The following CNGB3 variants were observed in gnomAD, a reference collection of about 807,000 sequenced individuals.
CNGB3 encodes the protein cyclic nucleotide gated channel subunit beta 3, also known as cyclic nucleotide-gated channel beta-3.
CNGB3 carries 86 observed loss-of-function variants against 92.8 expected under a neutral mutation model. The observed-to-expected ratio is 0.93, with a 90% CI of 0.78 to 1.11. The LOEUF is 1.11. Among genes scored for constraint, CNGB3 ranks in the 50% least tolerant of loss-of-function variants. The probability of loss-of-function intolerance (pLI) is 0.00; values close to 1 mark genes in which losing one functional copy is unlikely to be tolerated. For missense variants in CNGB3, 1,026 were observed against 956.8 expected, an observed-to-expected ratio of 1.07 and a Z score of -0.95; for synonymous variants, 333 against 332.7, an observed-to-expected ratio of 1.00 and a Z score of -0.01.
chr8:86,632,476 TA>T, intron 11 of CNGB3, among the ~76,000 whole-genome samples: 1 of 152,180 alleles, frequency 6.6e-6, no homozygotes, highest in East Asian at 1.9e-4. Flanking sequence ...TGGTTTTCAT[TA>T]GGGTCCAAGT....
intron 15 of CNGB3, chr8:86,593,662 G>A (rs955920554): frequency 7.7e-5 from 44 of 569,150 alleles, no homozygotes; most frequent in Non-Finnish European, 1.4e-4. Flanking sequence ...GACCCTAATG[G>A]TGTCTGTCTG....
intron 15 of CNGB3, chr8:86,594,481 G>T: frequency 3.4e-6 from 1 of 292,514 alleles, no homozygotes; most frequent in South Asian, 3.2e-5. Context: ...GGTCCAGGAG[G>T]GGACCCGACA....
At chr8:86,698,959 G>A (rs1276042990) in intron 3 of CNGB3, among the ~76,000 whole-genome samples, 1 of 152,180 alleles carries the variant, frequency 6.6e-6, no homozygotes, top group Non-Finnish European at 1.5e-5. Flanking sequence ...AAGCTCCTAA[G>A]AGGCAGAAAA....
Position 86,599,081 on chromosome 8 carries a change from G to A in CNGB3, c.1781+5012C>T, listed in dbSNP as rs149350935. Among the ~76,000 whole-genome samples the A allele has an allele frequency of 6.0e-4, 92 of 152,268 alleles. No individual in the cohort carries two copies. The East Asian group carries it at 0.015, about 26-fold the overall frequency. On this transcript the variant is annotated intron_variant, in intron 15 of 17. Transcript: ENST00000320005. ...TTGCAGGAAGTCAGGGACGCCAAAC[G>A]GAGGGACCGGCTGAAGCCATGGCAG...
intron 3 of CNGB3, among the ~76,000 whole-genome samples, chr8:86,685,448 G>A (rs754250778): frequency 2.6e-5 from 4 of 152,078 alleles, no homozygotes; most frequent in Non-Finnish European, 5.9e-5. Context: ...TGTTTCATAA[G>A]AGGAGTCTTG....
intron 15 of CNGB3, among the ~76,000 whole-genome samples, chr8:86,592,160 GC>G (rs1379279883): frequency 1.3e-5 from 2 of 152,114 alleles, no homozygotes; most frequent in African/African-American, 4.8e-5. Flanking sequence ...CTAACCCCTT[GC>G]GCTTCCCGAG....
In CNGB3 at chr8:86,691,105, T is replaced by C. The variant is rs995654785; in HGVS notation, c.339-20007A>G. Among the ~76,000 whole-genome samples the C allele has an allele frequency of 2.0e-5, 3 of 152,108 alleles. 1 individual carries two copies. The highest frequency in any genetic ancestry group is 4.1e-4 in the South Asian group (2 of 4,826). On this transcript the variant is annotated intron_variant, in intron 3 of 17. Coordinates refer to ENST00000320005, the MANE Select transcript of CNGB3 (RefSeq NM_019098.5). ...TTCCAATTCTGGTTTGGTATAATTT[T>C]AAGTTTTGTTTTGTTTTGTTTTTGC...
chr8:86,625,414 G>A (rs1822826208), intron 13 of CNGB3, among the ~76,000 whole-genome samples: 2 of 152,088 alleles, frequency 1.3e-5, no homozygotes, highest in African/African-American at 4.8e-5. Flanking sequence ...AATATTAGGT[G>A]AGAAAAATTT....
chr8:86,632,875 A>C lies in CNGB3; in HGVS notation c.1197T>G (p.Tyr399Ter), dbSNP rs1822989898. Residue 399 changes from tyrosine to a stop codon, truncating the protein, a stop_gained, in exon 11 of 18, where the codon TAT becomes TAG. Coordinates refer to ENST00000320005, the MANE Select transcript of CNGB3 (RefSeq NM_019098.5). LOFTEE classifies it high-confidence loss of function. ...GEGNEYLRCYYWAVRTLITIG... is the reference protein window; with the variant it reads ...GEGNEYLRCY The stretch of plus-strand genomic sequence containing the variant: ...TGGTAATTAAAGTTCGAACTGCCCA[A>C]TAATAACATCTCAGATACCTGTGAA... 1 of 1,612,536 alleles carries C rather than the reference A, an allele frequency of 6.2e-7. No individual in the cohort carries two copies. The highest frequency in any genetic ancestry group is 8.5e-7 in the Non-Finnish European group (1 of 1,179,768).
intron 15 of CNGB3, among the ~76,000 whole-genome samples, chr8:86,580,494 A>T (rs1025739906): frequency 2.0e-5 from 3 of 152,108 alleles, no homozygotes; most frequent in Non-Finnish European, 2.9e-5. Context: ...ATCCAATCTC[A>T]TCTCCTACTA....
chr8:86,635,816 C>T (rs1823051329), intron 10 of CNGB3, among the ~76,000 whole-genome samples: 1 of 103,988 alleles, frequency 9.6e-6, no homozygotes, highest in South Asian at 3.2e-4. Context: ...AACTGTATAA[C>T]ACATGATATA....
chr8:86,638,589 A>G (rs1259593964), intron 10 of CNGB3, among the ~76,000 whole-genome samples: 1 of 152,146 alleles, frequency 6.6e-6, no homozygotes, highest in African/African-American at 2.4e-5. Context: ...GAACGGTCTT[A>G]TTAGAATGTA....
At chr8:86,712,296 A>AT (rs903582031) in intron 3 of CNGB3, among the ~76,000 whole-genome samples, 1 of 151,832 alleles carries the variant, frequency 6.6e-6, no homozygotes, top group Non-Finnish European at 1.5e-5. Flanking sequence ...AGTCTTTTTT[A>AT]TTTTTTAGGT....
chr8:86,694,081 C>CCA (rs1563757109), intron 3 of CNGB3, among the ~76,000 whole-genome samples: 1 of 62,608 alleles, frequency 1.6e-5, no homozygotes, highest in Non-Finnish European at 3.8e-5. Context: ...GGGGGGCTGA[C>CCA]CCCCCCACCT....
chr8:86,689,258 T>G (rs909871130), intron 3 of CNGB3, among the ~76,000 whole-genome samples: 1 of 151,902 alleles, frequency 6.6e-6, no homozygotes, highest in Non-Finnish European at 1.5e-5. Context: ...TCTGTAGCCA[T>G]TGGATGAACT....
At chr8:86,671,990 T>C (rs906763923) in intron 3 of CNGB3, among the ~76,000 whole-genome samples, 2 of 152,244 alleles carry the variant, frequency 1.3e-5, no homozygotes, top group Non-Finnish European at 2.9e-5. Context: ...TTGTTATATC[T>C]TCAACTTTTA....
At chr8:86,621,434 T>A (rs1485774272) in intron 13 of CNGB3, among the ~76,000 whole-genome samples, 1 of 152,170 alleles carries the variant, frequency 6.6e-6, no homozygotes, top group African/African-American at 2.4e-5. Flanking sequence ...TATGAGGCAG[T>A]CTGCTATTTT....
At chr8:86,700,860 G>T (rs1344200244) in intron 3 of CNGB3, among the ~76,000 whole-genome samples, 1 of 152,112 alleles carries the variant, frequency 6.6e-6, no homozygotes. Context: ...GGCTGGTCTT[G>T]AGCTCCTGGC....
At chr8:86,661,298 T>A in intron 6 of CNGB3, 1 of 376,514 alleles carries the variant, frequency 2.7e-6, no homozygotes, top group Non-Finnish European at 5.4e-6. Context: ...GCCAGTCATG[T>A]ACTGTCATTT....
Sources: allele counts gnomAD v4.1 joint callset (sites outside exome capture counted in the v4.1 genomes callset), GRCh38; gene constraint gnomAD v4.1.1; transcripts MANE v1.5; gene names NCBI Gene and HGNC (gene_info 2026-07-23, HGNC 2026-07-21).